DCC: variants seen among roughly 807,000 people sequenced by gnomAD.
DCC encodes the protein netrin receptor DCC.
A neutral mutation model predicts 172.5 loss-of-function variants in DCC; 58 were observed. The ratio of observed to expected loss-of-function variants is 0.34; its 90% CI spans 0.27 to 0.42. The LOEUF (loss-of-function observed/expected upper bound fraction) is 0.42, where lower values mean the gene tolerates loss of function less well. DCC is among the 10% of genes least tolerant of loss of function. The probability of loss-of-function intolerance (pLI) is 1.00; values close to 1 mark genes in which losing one functional copy is unlikely to be tolerated. For missense variants in DCC, 1,740 were observed against 1,791.0 expected, an observed-to-expected ratio of 0.97 and a Z score of 0.51; for synonymous variants, 709 against 644.5, an observed-to-expected ratio of 1.10 and a Z score of -1.52.
chr18:52,587,545 A>G (rs996070333), intron 1 of DCC, among the ~76,000 whole-genome samples: 7 of 152,132 alleles, frequency 4.6e-5, no homozygotes, highest in African/African-American at 1.7e-4. Context: ...TTTTCCAATC[A>G]TGTTTCTTCC....
chr18:52,615,816 G>A (rs2034370196), intron 1 of DCC, among the ~76,000 whole-genome samples: 2 of 152,060 alleles, frequency 1.3e-5, no homozygotes, highest in African/African-American at 4.8e-5. Flanking sequence ...GTGGGAGTAG[G>A]GTAGGGAGAA....
At chr18:53,267,752 C>T (rs550786627) in intron 12 of DCC, among the ~76,000 whole-genome samples, 1 of 152,258 alleles carries the variant, frequency 6.6e-6, no homozygotes, top group South Asian at 2.1e-4. Flanking sequence ...AGGTGTAAGC[C>T]AATGTGCCCG....
intron 1 of DCC, among the ~76,000 whole-genome samples, chr18:52,505,245 C>T (rs2031187853): frequency 6.6e-6 from 1 of 152,130 alleles, no homozygotes; most frequent in African/African-American, 2.4e-5. Context: ...GTATTTTCAT[C>T]TAATGCTCTG....
chr18:52,777,524 C>T (rs2037456312), intron 2 of DCC, among the ~76,000 whole-genome samples: 1 of 152,162 alleles, frequency 6.6e-6, no homozygotes, highest in Non-Finnish European at 1.5e-5. Flanking sequence ...ATCATCTCAT[C>T]TCAAGATCCT....
At chr18:53,434,421 T>A (rs886461803) in intron 21 of DCC, among the ~76,000 whole-genome samples, 3 of 152,154 alleles carry the variant, frequency 2.0e-5, no homozygotes, top group African/African-American at 7.2e-5. Flanking sequence ...TGAAACACCA[T>A]TAATTAAATT....
chr18:52,575,461 T>C (rs1417550711), intron 1 of DCC, among the ~76,000 whole-genome samples: 2 of 152,196 alleles, frequency 1.3e-5, no homozygotes, highest in Non-Finnish European at 2.9e-5. Context: ...TAAAATGTTC[T>C]ATTTTGTACC....
intron 2 of DCC, among the ~76,000 whole-genome samples, chr18:52,871,392 G>A (rs1789353065): frequency 6.6e-6 from 1 of 152,016 alleles, no homozygotes; most frequent in Non-Finnish European, 1.5e-5. Context: ...AAACTGAACA[G>A]TCTGTAGGAC....
At chr18:52,706,176 A>G (rs1306262936) in intron 1 of DCC, among the ~76,000 whole-genome samples, 1 of 152,098 alleles carries the variant, frequency 6.6e-6, no homozygotes, top group African/African-American at 2.4e-5. Flanking sequence ...ATAAGAATAC[A>G]AAGTGGATAA....
rs1388994904 is a variant in DCC, at chr18:53,066,156, C to T, written c.1251C>T (p.Val417=). ...CCCAGACCAGTGCACAGCTCATTGTCCCTAAGCCTGGTAAGACAATGGGAA... is the reference window on the plus strand; with the variant it reads ...CCCAGACCAGTGCACAGCTCATTGTTCCTAAGCCTGGTAAGACAATGGGAA... ...GNAQTSAQLI[V]PKPAIPSSSV... Residue 417 remains valine, a synonymous_variant, in exon 7 of 29, where the codon GTC becomes GTT. Coordinates refer to ENST00000442544, the MANE Select transcript of DCC (RefSeq NM_005215.4). The T allele has an allele frequency of 6.2e-7, 1 of 1,613,032 alleles. No homozygotes were observed.
At chr18:52,500,581 G>A (rs1176344741) in intron 1 of DCC, among the ~76,000 whole-genome samples, 2 of 152,116 alleles carry the variant, frequency 1.3e-5, no homozygotes, top group Non-Finnish European at 2.9e-5. Flanking sequence ...CTAGATTGGT[G>A]TCTTGGATAT....
At chr18:52,381,397 C>A (rs142906528) in intron 1 of DCC, among the ~76,000 whole-genome samples, 8 of 152,218 alleles carry the variant, frequency 5.3e-5, no homozygotes, top group Non-Finnish European at 1.0e-4. Flanking sequence ...TACACTATTT[C>A]TAAGAATAGA....
At chr18:52,738,260 A>G (rs1478867186) in intron 1 of DCC, among the ~76,000 whole-genome samples, 2 of 152,174 alleles carry the variant, frequency 1.3e-5, no homozygotes, top group Non-Finnish European at 2.9e-5. Flanking sequence ...TGAGAAATGT[A>G]TAGTTAGGTG....
chr18:52,745,762 T>C (rs537662412), intron 1 of DCC, among the ~76,000 whole-genome samples: 2 of 152,186 alleles, frequency 1.3e-5, no homozygotes, highest in African/African-American at 4.8e-5. Flanking sequence ...GGGTGTAATT[T>C]TGTATTCCTT....
At chr18:52,718,608 G>C (rs890011630) in intron 1 of DCC, among the ~76,000 whole-genome samples, 4 of 152,130 alleles carry the variant, frequency 2.6e-5, no homozygotes, top group African/African-American at 7.2e-5. Flanking sequence ...TGGCTCTGTG[G>C]GATAGTGAGC....
chr18:53,450,742 C>T (rs758025058), intron 23 of DCC, 80 bp downstream of exon 23: 3 of 1,182,706 alleles, frequency 2.5e-6, no homozygotes, highest in Non-Finnish European at 3.7e-6. Flanking sequence ...TTTCTGCGTT[C>T]TTTCATAATT....
chr18:53,002,974 G>GA (rs996603723), intron 5 of DCC, among the ~76,000 whole-genome samples: 5 of 152,028 alleles, frequency 3.3e-5, no homozygotes, highest in Admixed American at 2.0e-4. Flanking sequence ...TGCCTGTCAA[G>GA]ACTGCTTGAA....
chr18:53,465,461 T>C (rs1733031950), intron 24 of DCC, among the ~76,000 whole-genome samples: 1 of 152,196 alleles, frequency 6.6e-6, no homozygotes, highest in Non-Finnish European at 1.5e-5. Flanking sequence ...TTGAATTGTT[T>C]TACCCATATA....
intron 1 of DCC, among the ~76,000 whole-genome samples, chr18:52,582,294 A>G (rs554927451): frequency 6.6e-6 from 1 of 152,248 alleles, no homozygotes; most frequent in South Asian, 2.1e-4. Flanking sequence ...TAGAAAATGC[A>G]CCCCTACCTC....
chr18:52,434,636 T>G (rs1222002756), intron 1 of DCC, among the ~76,000 whole-genome samples: 3 of 148,202 alleles, frequency 2.0e-5, no homozygotes, highest in Non-Finnish European at 4.5e-5. Context: ...TAATTTTTCT[T>G]TTTTTTTTTT....
Sources: gnomAD v4.1 joint callset for allele counts (sites outside exome capture counted in the v4.1 genomes callset) on GRCh38, gnomAD v4.1.1 for gene constraint, MANE v1.5 for transcripts, NCBI Gene and HGNC (gene_info 2026-07-23, HGNC 2026-07-21) for gene names.